ULK4: variants seen among roughly 807,000 people sequenced by gnomAD.
ULK4 encodes unc-51 like kinase 4.
In ULK4, 133 loss-of-function variants were observed where a neutral mutation model predicts 160.6. That is an observed-to-expected ratio of 0.83 (90% CI 0.72 to 0.96). The LOEUF is 0.96. ULK4 is among the 40% of genes least tolerant of loss of function. The pLI is 0.00. For synonymous variants in ULK4, 534 were observed against 539.8 expected, an observed-to-expected ratio of 0.99 and a Z score of 0.15; for missense variants, 1,580 against 1,499.5, an observed-to-expected ratio of 1.05 and a Z score of -0.89.
At chr3:41,304,698 G>A (rs956262614) in intron 35 of ULK4, among the ~76,000 whole-genome samples, 1 of 152,242 alleles carries the variant, frequency 6.6e-6, no homozygotes, top group Non-Finnish European at 1.5e-5. Flanking sequence ...TAGGAAGGCA[G>A]TGATACTGCA....
At chr3:41,382,617 G>A (rs565438166) in intron 35 of ULK4, among the ~76,000 whole-genome samples, 1 of 151,872 alleles carries the variant, frequency 6.6e-6, no homozygotes, top group African/African-American at 2.4e-5. Flanking sequence ...AAACCTTGTT[G>A]AATAGTTCTG....
intron 32 of ULK4, among the ~76,000 whole-genome samples, chr3:41,522,022 A>C (rs2085946204): frequency 6.6e-6 from 1 of 152,082 alleles, no homozygotes; most frequent in Non-Finnish European, 1.5e-5. Flanking sequence ...ATTGTATGCT[A>C]TTCTCTGATA....
Position 41,273,351 on chromosome 3 carries a change from G to C in ULK4, c.3679-23777C>G, listed in dbSNP as rs1035965828. Among the ~76,000 whole-genome samples the C allele has an allele frequency of 2.0e-5, 3 of 152,126 alleles. No homozygotes were observed. The East Asian group carries it at 5.8e-4, about 29-fold the overall frequency. On this transcript the variant is annotated intron_variant, in intron 35 of 36. Transcript: ENST00000301831. ...GCCCCAGGAACTATAAGGTTTTCTA[G>C]TTTGCCTGGTGGGAATGGGCACTAT...
chr3:41,457,804 C>T lies in ULK4; in HGVS notation c.3394-2209G>A, dbSNP rs79543785. Among the ~76,000 whole-genome samples, 721 of 152,258 alleles carry T rather than the reference C, an allele frequency of 4.7e-3. 2 individuals carry two copies. The highest frequency in any genetic ancestry group is 0.015 in the South Asian group (72 of 4,810). On this transcript the variant is annotated intron_variant, in intron 33 of 36. Coordinates refer to ENST00000301831, the MANE Select transcript of ULK4 (RefSeq NM_017886.4). ...GACTTTGCTTCTGGTCCCACTGACC[C>T]CTTTCCAGAACCACTCCCTTTTGTC...
Position 41,501,264 on chromosome 3 carries a change from G to T in ULK4, c.3227-38011C>A, listed in dbSNP as rs142121422. Reference sequence around the variant, plus strand: ...ATCAATCCCAGCACTTTGGGAGGCCGAGACGGGCGGATCACGAGGTCAGGA... The same window carrying T: ...ATCAATCCCAGCACTTTGGGAGGCCTAGACGGGCGGATCACGAGGTCAGGA... On this transcript the variant is annotated intron_variant, in intron 32 of 36. Coordinates refer to ENST00000301831, the MANE Select transcript of ULK4 (RefSeq NM_017886.4). Among the ~76,000 whole-genome samples, 808 of 152,272 alleles carry T rather than the reference G, an allele frequency of 5.3e-3. 11 individuals are homozygous for T. The highest frequency in any genetic ancestry group is 0.019 in the African/African-American group (777 of 41,554).
intron 32 of ULK4, among the ~76,000 whole-genome samples, chr3:41,473,922 G>A (rs1462946259): frequency 6.6e-6 from 1 of 152,128 alleles, no homozygotes; most frequent in Non-Finnish European, 1.5e-5. Flanking sequence ...TCTGCCTAAA[G>A]CAATCTACAG....
intron 32 of ULK4, among the ~76,000 whole-genome samples, chr3:41,499,693 G>A (rs1030698271): frequency 8.5e-5 from 13 of 152,128 alleles, no homozygotes; most frequent in South Asian, 2.1e-4. Flanking sequence ...CCAACTTTAC[G>A]TTGAACAAAA....
chr3:41,889,154 C>A (rs1697828888), intron 16 of ULK4, among the ~76,000 whole-genome samples: 1 of 152,080 alleles, frequency 6.6e-6, no homozygotes, highest in African/African-American at 2.4e-5. Context: ...TAATTTTGTT[C>A]CCTTTTTTTC....
chr3:41,816,275 A>G (rs2040961375), intron 19 of ULK4, among the ~76,000 whole-genome samples: 1 of 152,184 alleles, frequency 6.6e-6, no homozygotes, highest in Non-Finnish European at 1.5e-5. Flanking sequence ...AAACAGGACA[A>G]AATGTTTACT....
intron 17 of ULK4, among the ~76,000 whole-genome samples, chr3:41,871,991 C>T (rs1352377701): frequency 6.6e-6 from 1 of 152,242 alleles, no homozygotes; most frequent in Admixed American, 6.5e-5. Flanking sequence ...TTTTCCTCTA[C>T]AGAGTACTGA....
At chr3:41,371,732 C>T (rs1037677134) in intron 35 of ULK4, among the ~76,000 whole-genome samples, 1 of 151,974 alleles carries the variant, frequency 6.6e-6, no homozygotes, top group Non-Finnish European at 1.5e-5. Context: ...AACCAGAATG[C>T]CTATTCTCCA....
At chr3:41,862,885 C>T (rs965597576) in intron 17 of ULK4, among the ~76,000 whole-genome samples, 2 of 151,856 alleles carry the variant, frequency 1.3e-5, no homozygotes, top group Admixed American at 1.3e-4. Flanking sequence ...TGGCCACCAC[C>T]GCTATGACAG....
intron 30 of ULK4, among the ~76,000 whole-genome samples, chr3:41,633,518 G>A (rs973092999): frequency 1.3e-5 from 2 of 151,918 alleles, no homozygotes; most frequent in Non-Finnish European, 2.9e-5. Context: ...GGTCTGCTGA[G>A]CCTTTCTCTA....
chr3:41,552,477 A>G (rs61300380), intron 32 of ULK4, among the ~76,000 whole-genome samples: 9,260 of 151,978 alleles, frequency 0.061, 837 homozygotes, highest in African/African-American at 0.2. Context: ...CTAGCTGAGG[A>G]AAAAAATCAA....
chr3:41,890,723 C>CGGGAGGGAA (rs1268985645), intron 16 of ULK4, among the ~76,000 whole-genome samples: 2 of 69,230 alleles, frequency 2.9e-5, no homozygotes, highest in African/African-American at 6.2e-5. Flanking sequence ...ACAGGAGGGA[C>CGGGAGGGAA]GGGAGGGAAG....
At chr3:41,881,434 G>T (rs1001908283) in intron 17 of ULK4, among the ~76,000 whole-genome samples, 2 of 152,060 alleles carry the variant, frequency 1.3e-5, no homozygotes, top group African/African-American at 4.8e-5. Context: ...ATGACCTCTA[G>T]TGGCTACTTA....
At position 41,751,129 on chromosome 3, in the gene ULK4, T is replaced by C. The variant is rs1279918679; in HGVS notation, c.2321+3232A>G. The stretch of plus-strand genomic sequence containing the variant: ...ATGGGCTGGGACAAATCTCTGCCTA[T>C]TGACTTCTTAACCTACTCAGTACCC... On this transcript the variant is annotated intron_variant, in intron 22 of 36. Transcript: ENST00000301831. Among the ~76,000 whole-genome samples, 10 of 152,162 alleles carry C rather than the reference T, an allele frequency of 6.6e-5. 1 individual carries two copies. Among genetic ancestry groups the C allele is most frequent in the Admixed American group, 5.2e-4 (8 of 15,278 alleles).
chr3:41,455,221 A>C (rs2125871363), intron 34 of ULK4, among the ~76,000 whole-genome samples: 1 of 152,258 alleles, frequency 6.6e-6, no homozygotes, highest in East Asian at 1.9e-4. Flanking sequence ...CTTTCCTCTT[A>C]GAATTCATTT....
chr3:41,775,339 T>C (rs1213393663), intron 21 of ULK4, among the ~76,000 whole-genome samples: 1 of 150,428 alleles, frequency 6.6e-6, no homozygotes, highest in African/African-American at 2.5e-5. Flanking sequence ...ACAGTATTAA[T>C]AATATCCATA....
Sources: allele counts gnomAD v4.1 joint callset (sites outside exome capture counted in the v4.1 genomes callset), GRCh38; gene constraint gnomAD v4.1.1; transcripts MANE v1.5; gene names NCBI Gene and HGNC (gene_info 2026-07-23, HGNC 2026-07-21).